Variants in COL4A1 observed in about 807,000 individuals in gnomAD.
COL4A1 encodes collagen alpha-1(IV) chain.
Under a neutral mutation model 216.6 loss-of-function variants are expected in COL4A1, and 40 were observed. That is an observed-to-expected ratio of 0.18 (90% CI 0.14 to 0.24). The LOEUF (loss-of-function observed/expected upper bound fraction) is 0.24, where lower values mean the gene tolerates loss of function less well. Ranked by LOEUF, COL4A1 falls within the 10% of genes least tolerant of loss-of-function variation. The pLI is 1.00. For missense variants in COL4A1, 1,628 were observed against 2,196.8 expected, an observed-to-expected ratio of 0.74 and a Z score of 5.18; for synonymous variants, 839 against 810.7, an observed-to-expected ratio of 1.03 and a Z score of -0.59.
At chr13:110,180,517 G>A (rs1878099182) in intron 29 of COL4A1, among the ~76,000 whole-genome samples, 1 of 152,228 alleles carries the variant, frequency 6.6e-6, no homozygotes, top group Admixed American at 6.5e-5. Flanking sequence ...TCCATCACTG[G>A]CAACGTTTAT....
At chr13:110,206,803 C>T in intron 14 of COL4A1, 62 bp downstream of exon 14, 1 of 1,610,632 alleles carries the variant, frequency 6.2e-7, no homozygotes, top group Admixed American at 1.7e-5. Context: ...GTGAAAAAAA[C>T]TTGAAACTTA....
chr13:110,299,258 T>C (rs1884400814), intron 1 of COL4A1, among the ~76,000 whole-genome samples: 1 of 152,116 alleles, frequency 6.6e-6, no homozygotes, highest in Non-Finnish European at 1.5e-5. Context: ...AGCCGCACCC[T>C]CACCTGCTAG....
chr13:110,245,825 C>T (rs1451924434), intron 1 of COL4A1, among the ~76,000 whole-genome samples: 5 of 152,130 alleles, frequency 3.3e-5, no homozygotes, highest in African/African-American at 4.8e-5. Flanking sequence ...CGGTGACAGG[C>T]GGGTGGGTAG....
At chr13:110,283,179 T>C (rs1364066541) in intron 1 of COL4A1, among the ~76,000 whole-genome samples, 1 of 152,272 alleles carries the variant, frequency 6.6e-6, no homozygotes, top group Non-Finnish European at 1.5e-5. Flanking sequence ...GAGTAATTAC[T>C]TGATTCTCTC....
intron 2 of COL4A1, among the ~76,000 whole-genome samples, chr13:110,240,422 T>C (rs1881511833): frequency 6.6e-6 from 1 of 152,214 alleles, no homozygotes; most frequent in Non-Finnish European, 1.5e-5. Context: ...ACTCCCAGTG[T>C]CAAGGCTAAA....
chr13:110,169,914 C>CAGGAAGGAAGGAGGG (rs1566346217), intron 42 of COL4A1, 152 bp from the exon 43 acceptor site: 1 of 444,776 alleles, frequency 2.2e-6, no homozygotes, highest in African/African-American at 2.4e-5. Context: ...GAGGCAGGTC[C>CAGGAAGGAAGGAGGG]AGGAAGGAAG....
At chr13:110,174,059 A>T (rs1877765596) in intron 39 of COL4A1, 61 bp from the exon 40 acceptor site, 1 of 1,566,634 alleles carries the variant, frequency 6.4e-7, no homozygotes, top group Non-Finnish European at 8.8e-7. Flanking sequence ...TAGCTGCCAT[A>T]CAAAATGGCC....
intron 1 of COL4A1, among the ~76,000 whole-genome samples, chr13:110,270,822 G>A (rs1246140289): frequency 6.6e-6 from 1 of 152,126 alleles, no homozygotes; most frequent in Non-Finnish European, 1.5e-5. Flanking sequence ...CAGTAGCAAT[G>A]GGCATGCCTA....
intron 26 of COL4A1, among the ~76,000 whole-genome samples, chr13:110,184,796 C>T (rs1459049088): frequency 3.9e-5 from 6 of 152,040 alleles, no homozygotes; most frequent in Non-Finnish European, 8.8e-5. Flanking sequence ...TTGCAACCTC[C>T]GCCTCCTGGA....
intron 2 of COL4A1, among the ~76,000 whole-genome samples, chr13:110,235,690 A>T (rs995992628): frequency 2.0e-5 from 3 of 151,900 alleles, no homozygotes; most frequent in African/African-American, 7.3e-5. Flanking sequence ...TGCAAGAAAG[A>T]TAATCATACA....
At chr13:110,165,126 G>A in intron 45 of COL4A1, 136 bp from the exon 46 acceptor site, 1 of 1,312,716 alleles carries the variant, frequency 7.6e-7, no homozygotes, top group Non-Finnish European at 1.0e-6. Flanking sequence ...TCAAAACCCA[G>A]GTAATCAGAT....
chr13:110,240,536 C>T (rs570104348), intron 2 of COL4A1, among the ~76,000 whole-genome samples: 3 of 152,380 alleles, frequency 2.0e-5, no homozygotes, highest in Admixed American at 6.5e-5. Flanking sequence ...GCAAGCCCCA[C>T]GCAGGCTCCA....
chr13:110,225,721 G>GCA (rs1326030480), intron 2 of COL4A1, among the ~76,000 whole-genome samples: 6 of 152,192 alleles, frequency 3.9e-5, no homozygotes, highest in African/African-American at 1.4e-4. Context: ...ACAAGCACCT[G>GCA]CACTCCGGGT....
chr13:110,242,491 A>G (rs1425338301), intron 2 of COL4A1, among the ~76,000 whole-genome samples, 184 bp downstream of exon 2: 1 of 152,250 alleles, frequency 6.6e-6, no homozygotes, highest in African/African-American at 2.4e-5. Context: ...AAGAGCTATT[A>G]TAATAATATT....
At chr13:110,286,168 C>T (rs1382356902) in intron 1 of COL4A1, among the ~76,000 whole-genome samples, 1 of 152,140 alleles carries the variant, frequency 6.6e-6, no homozygotes, top group Non-Finnish European at 1.5e-5. Flanking sequence ...CAAGAACGAC[C>T]AAGGACAGCA....
intron 17 of COL4A1, 66 bp from the exon 18 acceptor site, chr13:110,203,673 T>G (rs1194195758): frequency 1.3e-6 from 2 of 1,558,354 alleles, no homozygotes; most frequent in African/African-American, 2.7e-5. Flanking sequence ...AGAAAGCAGA[T>G]TAAACATTTC....
intron 49 of COL4A1, among the ~76,000 whole-genome samples, chr13:110,158,698 G>A (rs1449968419): frequency 6.6e-6 from 1 of 150,660 alleles, no homozygotes; most frequent in African/African-American, 2.5e-5. Flanking sequence ...TTTGTTCACT[G>A]GCCACTTTCC....
At chr13:110,219,682 A>ATATATGTG (rs1555307864) in intron 2 of COL4A1, among the ~76,000 whole-genome samples, 15 of 133,690 alleles carry the variant, frequency 1.1e-4, no homozygotes, top group Non-Finnish European at 3.1e-5. Context: ...ATATATGTGT[A>ATATATGTG]TATATATGTA....
At chr13:110,151,352 C>T (rs752072371) in intron 51 of COL4A1, among the ~76,000 whole-genome samples, 1 of 151,882 alleles carries the variant, frequency 6.6e-6, no homozygotes, top group Admixed American at 6.6e-5. Flanking sequence ...TAAGAGGACA[C>T]CGCAAGGGCT....
Sources: gnomAD v4.1 joint callset for allele counts (sites outside exome capture counted in the v4.1 genomes callset) on GRCh38, gnomAD v4.1.1 for gene constraint, MANE v1.5 for transcripts, NCBI Gene and HGNC (gene_info 2026-07-23, HGNC 2026-07-21) for gene names.